Variants in PIGN observed in about 807,000 individuals in gnomAD.
The protein encoded by PIGN is GPI ethanolamine phosphate transferase 1.
A neutral mutation model predicts 125.4 loss-of-function variants in PIGN; 117 were observed. The ratio of observed to expected loss-of-function variants is 0.93; its 90% confidence interval spans 0.80 to 1.09. The LOEUF is 1.09. PIGN is among the 50% of genes least tolerant of loss of function. The probability of loss-of-function intolerance (pLI) is 0.00; values close to 1 mark genes in which losing one functional copy is unlikely to be tolerated. For synonymous variants in PIGN, 392 were observed against 377.8 expected, an observed-to-expected ratio of 1.04 and a Z score of -0.44; for missense variants, 1,075 against 1,094.9, an observed-to-expected ratio of 0.98 and a Z score of 0.26.
At chr18:62,161,036 C>T in intron 4 of PIGN, 97 bp downstream of exon 4, 1 of 738,092 alleles carries the variant, frequency 1.4e-6, no homozygotes, top group Non-Finnish European at 2.2e-6. Flanking sequence ...ATCATCACCC[C>T]TGTGCCCAGT....
intron 14 of PIGN, chr18:62,137,687 T>G (rs1269880839): frequency 6.5e-6 from 1 of 152,876 alleles, no homozygotes; most frequent in Admixed American, 6.5e-5. Context: ...TCTGCCTGCC[T>G]CAGCCTCCCA....
At chr18:62,032,814 C>T (rs2030209335) in intron 23 of PIGN, among the ~76,000 whole-genome samples, 1 of 152,160 alleles carries the variant, frequency 6.6e-6, no homozygotes, top group South Asian at 2.1e-4. Context: ...ATTTGTAAAG[C>T]ATTTAAAACA....
At chr18:62,032,953 G>T (rs1346139143) in intron 23 of PIGN, among the ~76,000 whole-genome samples, 3 of 152,218 alleles carry the variant, frequency 2.0e-5, no homozygotes, top group Non-Finnish European at 4.4e-5. Flanking sequence ...TAAAGGTTTT[G>T]GTCACAAGTA....
intron 28 of PIGN, among the ~76,000 whole-genome samples, chr18:62,078,742 T>C (rs538933781): frequency 6.6e-6 from 1 of 152,352 alleles, no homozygotes; most frequent in Admixed American, 6.5e-5. Flanking sequence ...ACTGTGTACC[T>C]AGATCCTATG....
intron 23 of PIGN, among the ~76,000 whole-genome samples, chr18:62,092,257 T>C (rs1158856455): frequency 1.3e-5 from 2 of 152,196 alleles, no homozygotes; most frequent in African/African-American, 4.8e-5. Flanking sequence ...TTGATATTCT[T>C]ATTTAAAAAT....
chr18:62,183,515 T>C (rs1430106807), intron 1 of PIGN, among the ~76,000 whole-genome samples: 1 of 152,178 alleles, frequency 6.6e-6, no homozygotes, highest in Admixed American at 6.5e-5. Context: ...CTCCTAACAT[T>C]CCATTTCAAG....
intron 13 of PIGN, among the ~76,000 whole-genome samples, 189 bp from the exon 14 acceptor site, chr18:62,138,487 TGAG>T (rs755522319): frequency 1.3e-5 from 2 of 152,214 alleles, no homozygotes; most frequent in Non-Finnish European, 2.9e-5. Flanking sequence ...CTCAATAAGC[TGAG>T]AATTAAACAT....
chr18:62,034,591 T>C (rs1358826353), intron 23 of PIGN, among the ~76,000 whole-genome samples: 3 of 152,188 alleles, frequency 2.0e-5, no homozygotes, highest in Non-Finnish European at 2.9e-5. Context: ...ATGTGAGACA[T>C]GGAGTCAAAG....
intron 14 of PIGN, among the ~76,000 whole-genome samples, chr18:62,126,331 A>T (rs1420779910): frequency 6.6e-6 from 1 of 152,102 alleles, no homozygotes; most frequent in Admixed American, 6.6e-5. Context: ...TTCATGGTAA[A>T]CACTATAGTG....
intron 1 of PIGN, among the ~76,000 whole-genome samples, chr18:62,173,431 T>C (rs1461816421): frequency 6.6e-5 from 10 of 152,130 alleles, no homozygotes. Flanking sequence ...TGGGTCTCAC[T>C]GTGTCACCCA....
intron 30 of PIGN, among the ~76,000 whole-genome samples, chr18:62,053,299 T>C (rs867889858): frequency 2.5e-4 from 38 of 152,056 alleles, no homozygotes; most frequent in Admixed American, 1.0e-3. Context: ...TAAAAAGCCA[T>C]ACAAAGAGAT....
chr18:62,030,135 G>T (rs2030175187), intron 23 of PIGN, among the ~76,000 whole-genome samples: 1 of 152,224 alleles, frequency 6.6e-6, no homozygotes, highest in South Asian at 2.1e-4. Context: ...TTATAAGCCA[G>T]AATGTCGGTT....
downstream of PIGN, among the ~76,000 whole-genome samples, chr18:62,040,801 C>T (rs895853121): frequency 1.3e-5 from 2 of 152,158 alleles, no homozygotes; most frequent in Non-Finnish European, 2.9e-5. Context: ...TTCGAGGTAA[C>T]AGTTTATGTC....
At chr18:62,131,895 G>A (rs1184681615) in intron 14 of PIGN, among the ~76,000 whole-genome samples, 2 of 152,026 alleles carry the variant, frequency 1.3e-5, no homozygotes, top group Non-Finnish European at 2.9e-5. Flanking sequence ...TAATAATGCT[G>A]GTGAAATTAA....
chr18:62,071,225 G>A (rs546960969), intron 30 of PIGN, among the ~76,000 whole-genome samples: 6 of 152,086 alleles, frequency 3.9e-5, no homozygotes, highest in Admixed American at 3.9e-4. Context: ...TACTGCAACC[G>A]GAACAACCTC....
intron 9 of PIGN, 68 bp from the exon 10 acceptor site, chr18:62,146,093 A>T (rs1028423468): frequency 4.4e-6 from 3 of 681,610 alleles, no homozygotes; most frequent in East Asian, 2.9e-5. Context: ...AATATTTTTT[A>T]AAATAGTTTG....
chr18:62,170,309 T>C (rs1163999766), intron 1 of PIGN, among the ~76,000 whole-genome samples: 1 of 152,216 alleles, frequency 6.6e-6, no homozygotes, highest in Non-Finnish European at 1.5e-5. Flanking sequence ...AGGTGACAGT[T>C]TGAAGCAACC....
chr18:62,117,350 TAAC>T (rs1183065962), intron 14 of PIGN, among the ~76,000 whole-genome samples: 6 of 151,946 alleles, frequency 3.9e-5, no homozygotes, highest in Non-Finnish European at 5.9e-5. Context: ...CAAAACCAAA[TAAC>T]AACAAAATAA....
At position 62,109,933 on chromosome 18, in the gene PIGN, C is replaced by T; in HGVS notation, c.1475G>A (p.Gly492Asp). ...CAGCAGAAAAAATGCTACTAAAATGCCAATAGCTACAAAACTACAAGGCAG... is the reference window on the plus strand; with the variant it reads ...CAGCAGAAAAAATGCTACTAAAATGTCAATAGCTACAAAACTACAAGGCAG... Reference protein sequence around the residue: ...HLLPCSFVAIGILVAFFLLIQ... With the variant: ...HLLPCSFVAIDILVAFFLLIQ... The change falls in exon 17 of 31, where the codon GGC becomes GAC. Residue 492 changes from glycine (G) to aspartate (D), a missense_variant. Gly to Asp is a moderately conservative substitution (Grantham distance 94). This residue lies in a region of PIGN where 915 missense variants were observed against 908.7 expected (regional missense o/e 1.01). Coordinates refer to ENST00000640252, the MANE Select transcript of PIGN (RefSeq NM_176787.5). The T allele has an allele frequency of 6.2e-7, 1 of 1,613,154 alleles. No individual in the cohort carries two copies. Among genetic ancestry groups the T allele is most frequent in the Non-Finnish European group, 8.5e-7 (1 of 1,179,444 alleles).
Sources: allele counts gnomAD v4.1 joint callset (sites outside exome capture counted in the v4.1 genomes callset), GRCh38; gene constraint gnomAD v4.1.1; regional missense constraint gnomAD v4.1.1; transcripts MANE v1.5; gene names NCBI Gene and HGNC (gene_info 2026-07-23, HGNC 2026-07-21).